Variants in NSMCE1 observed in about 807,000 individuals in gnomAD.
NSMCE1 encodes NSE1 component of SMC5/6 complex.
A neutral mutation model predicts 29.6 loss-of-function variants in NSMCE1; 18 were observed. The observed-to-expected ratio is 0.61, with a 90% CI of 0.42 to 0.90. NSMCE1 has a LOEUF of 0.90. Among genes scored for constraint, NSMCE1 ranks in the 40% least tolerant of loss-of-function variants. The pLI is 0.00. For synonymous variants in NSMCE1, 124 were observed against 133.4 expected (o/e 0.93, Z 0.49); for missense variants, 314 against 343.6 (o/e 0.91, Z 0.68).
intron 2 of NSMCE1, among the ~76,000 whole-genome samples, chr16:27,239,230 TATG>T (rs1184912173): frequency 1.6e-4 from 24 of 152,152 alleles, no homozygotes; most frequent in Admixed American, 1.6e-3. Flanking sequence ...CCAAGATCCT[TATG>T]ATGTCCACTA....
At chr16:27,231,260 A>G (rs763062356) in intron 5 of NSMCE1, among the ~76,000 whole-genome samples, 10 of 152,210 alleles carry the variant, frequency 6.6e-5, no homozygotes, top group Admixed American at 2.0e-4. Flanking sequence ...TTCAGCAAGC[A>G]TTTATTGAGC....
In NSMCE1 at chr16:27,262,013, C is replaced by T. The variant is rs1484111036; in HGVS notation, c.-11-4432G>A. Among the ~76,000 whole-genome samples the T allele has an allele frequency of 9.9e-5, 15 of 152,266 alleles. No homozygotes were observed. In the East Asian group the frequency reaches 2.7e-3, roughly 27 times the overall value. On this transcript the variant is annotated intron_variant, in intron 1 of 7. Transcript: ENST00000361439. The stretch of plus-strand genomic sequence containing the variant: ...ATCCCAGCACTTTGGGAGGCCAAGG[C>T]GGGCAGATCACCTGAGGTCAGGAGT...
At chr16:27,243,840 G>A (rs1164832068) in intron 2 of NSMCE1, among the ~76,000 whole-genome samples, 2 of 152,104 alleles carry the variant, frequency 1.3e-5, no homozygotes, top group Non-Finnish European at 1.5e-5. Context: ...TGCAGACCCT[G>A]AGGTCTCGCA....
intron 2 of NSMCE1, among the ~76,000 whole-genome samples, chr16:27,251,548 G>A (rs780815712): frequency 4.6e-5 from 7 of 152,062 alleles, no homozygotes; most frequent in African/African-American, 1.4e-4. Flanking sequence ...TAACGTCTAC[G>A]CTCATGAGGA....
intron 1 of NSMCE1, among the ~76,000 whole-genome samples, chr16:27,259,672 T>C (rs1315665457): frequency 2.6e-5 from 4 of 152,088 alleles, no homozygotes; most frequent in Non-Finnish European, 2.9e-5. Context: ...TGGGGACAAA[T>C]GATACGAATC....
rs2083684450 is a variant in NSMCE1, at chr16:27,225,823, C to G, written c.624G>C (p.Gly208=). 1 of 1,614,138 alleles carries G rather than the reference C, an allele frequency of 6.2e-7. No individual in the cohort carries two copies. Among genetic ancestry groups the G allele is most frequent in the Admixed American group, 1.7e-5 (1 of 60,026 alleles). ...CCACGCAGGGTAAGTGCATCCTGAT[C>G]CCACAGGTTTCGCAGCTTTGACCCT... ...LIQGQSCETC[G]IRMHLPCVAK... The change falls in exon 7 of 8, where the codon GGG becomes GGC. Residue 208 remains glycine (G), a synonymous_variant. Coordinates refer to ENST00000361439, the MANE Select transcript of NSMCE1 (RefSeq NM_145080.4).
chr16:27,235,054 A>C, intron 3 of NSMCE1, 124 bp downstream of exon 3: 1 of 841,926 alleles, frequency 1.2e-6, no homozygotes, highest in Non-Finnish European at 1.9e-6. Flanking sequence ...TATTCTATAC[A>C]TTTGGAGTGA....
chr16:27,250,258 T>A (rs527742544), intron 2 of NSMCE1, among the ~76,000 whole-genome samples: 1 of 152,324 alleles, frequency 6.6e-6, no homozygotes, highest in African/African-American at 2.4e-5. Flanking sequence ...TGTTTCTTTT[T>A]CTCGCCTCAG....
intron 2 of NSMCE1, among the ~76,000 whole-genome samples, chr16:27,249,500 C>T (rs903883444): frequency 2.6e-5 from 4 of 152,150 alleles, no homozygotes; most frequent in Non-Finnish European, 4.4e-5. Flanking sequence ...TATGGATATC[C>T]AATTATTCCA....
At chr16:27,260,068 T>C (rs1596698197) in intron 1 of NSMCE1, among the ~76,000 whole-genome samples, 1 of 152,120 alleles carries the variant, frequency 6.6e-6, no homozygotes, top group East Asian at 1.9e-4. Context: ...AGGTCTAAAA[T>C]GCAGGGTAGA....
chr16:27,246,080 C>T (rs879679963), intron 2 of NSMCE1, among the ~76,000 whole-genome samples: 22 of 152,074 alleles, frequency 1.4e-4, no homozygotes, highest in Non-Finnish European at 2.5e-4. Context: ...TCAATCAGCA[C>T]GCTGGAAACA....
At chr16:27,251,522 G>A (rs4414501) in intron 2 of NSMCE1, among the ~76,000 whole-genome samples, 12,788 of 152,188 alleles carry the variant, frequency 0.084, 1,436 homozygotes, top group African/African-American at 0.26. Flanking sequence ...ATTTGCCACA[G>A]TTGGGTTTAG....
intron 2 of NSMCE1, among the ~76,000 whole-genome samples, chr16:27,242,605 G>A (rs918067448): frequency 6.6e-6 from 1 of 152,182 alleles, no homozygotes. Context: ...CCCCTGGCTG[G>A]AGGTCTACCA....
At chr16:27,238,387 A>T (rs918181517) in intron 2 of NSMCE1, among the ~76,000 whole-genome samples, 6 of 151,984 alleles carry the variant, frequency 3.9e-5, no homozygotes, top group African/African-American at 1.5e-4. Flanking sequence ...GATAAGCTGC[A>T]CTTCCCAGCT....
rs1227621384 is a variant in NSMCE1 at position 27,225,736 on chromosome 16, G to A, written c.711C>T (p.His237=). ...TCAGGGCCCACGCACTTGGGATCTC[G>A]TGGGGCCAGTAGTCGTTGCAGTGGG... is the stretch of plus-strand genomic sequence containing the variant. ...RCPHCNDYWP[H]EIPKVFDPEK... Residue 237 remains histidine, a synonymous_variant, in exon 7 of 8, where the codon CAC becomes CAT. Transcript: ENST00000361439. 43 of 1,614,040 alleles carry A rather than the reference G, an allele frequency of 2.7e-5. No individual in the cohort carries two copies. In the East Asian group the frequency reaches 2.7e-4, roughly 10 times the overall value.
chr16:27,247,188 A>C (rs1333382441), intron 2 of NSMCE1, among the ~76,000 whole-genome samples: 1 of 152,184 alleles, frequency 6.6e-6, no homozygotes, highest in East Asian at 1.9e-4. Context: ...CAAACATGTC[A>C]TGGGAGGGGC....
At chr16:27,254,541 A>G (rs1476392765) in intron 2 of NSMCE1, among the ~76,000 whole-genome samples, 3 of 152,220 alleles carry the variant, frequency 2.0e-5, no homozygotes, top group African/African-American at 7.2e-5. Flanking sequence ...AAAAAGAGAA[A>G]AGGACTAAAT....
At chr16:27,244,655 CA>C (rs35986918) in intron 2 of NSMCE1, among the ~76,000 whole-genome samples, 45,944 of 152,128 alleles carry the variant, frequency 0.3, 7,107 homozygotes, top group East Asian at 0.42. Context: ...ATGGCAGCTC[CA>C]CAGAAAGGTT....
chr16:27,248,406 C>CTTTTTTTTTT (rs756697569), intron 2 of NSMCE1, among the ~76,000 whole-genome samples: 6 of 84,764 alleles, frequency 7.1e-5, no homozygotes, highest in Non-Finnish European at 1.1e-4. Flanking sequence ...TTTTAGTTTG[C>CTTTTTTTTTT]TTTTTTTTTT....
Sources: gnomAD v4.1 joint callset for allele counts (sites outside exome capture counted in the v4.1 genomes callset) on GRCh38, gnomAD v4.1.1 for gene constraint, MANE v1.5 for transcripts, NCBI Gene and HGNC (gene_info 2026-07-23, HGNC 2026-07-21) for gene names.